The following TMPRSS11A variants were observed in gnomAD, a reference collection of about 807,000 sequenced individuals.
TMPRSS11A encodes transmembrane protease serine 11A.
Under a neutral mutation model 58.9 loss-of-function variants are expected in TMPRSS11A, and 53 were observed. The observed-to-expected ratio is 0.90, with a 90% CI of 0.72 to 1.13. The LOEUF is 1.13. Among genes scored for constraint, TMPRSS11A ranks in the 50% most tolerant of loss-of-function variants. TMPRSS11A has a pLI of 0.00. For missense variants in TMPRSS11A, 493 were observed against 499.3 expected, an observed-to-expected ratio of 0.99 and a Z score of 0.12; for synonymous variants, 167 against 169.8, an observed-to-expected ratio of 0.98 and a Z score of 0.13.
intron 3 of TMPRSS11A, 66 bp from the exon 4 acceptor site, chr4:67,932,126 T>C: frequency 1.1e-6 from 1 of 924,734 alleles, no homozygotes; most frequent in Non-Finnish European, 1.6e-6. Context: ...ATATCCTTGA[T>C]TAAATGTTAA....
chr4:67,925,452 T>C (rs1269630938), intron 5 of TMPRSS11A, among the ~76,000 whole-genome samples: 2 of 152,218 alleles, frequency 1.3e-5, no homozygotes, highest in African/African-American at 4.8e-5. Flanking sequence ...CAGTATTCTA[T>C]TCCTCATTAT....
At chr4:67,956,353 A>T (rs1025121296) in intron 1 of TMPRSS11A, among the ~76,000 whole-genome samples, 2 of 152,164 alleles carry the variant, frequency 1.3e-5, no homozygotes, top group African/African-American at 4.8e-5. Flanking sequence ...CTGTTTGTAA[A>T]CAGATCACCT....
At position 67,944,435 on chromosome 4, in the gene TMPRSS11A, C is replaced by T. The variant is rs867045416; in HGVS notation, c.252+84G>A. 8 of 1,475,198 alleles carry T rather than the reference C, an allele frequency of 5.4e-6. No individual in the cohort carries two copies. In the Middle Eastern group the frequency reaches 5.3e-4, roughly 98 times the overall value. 91.4% of individuals were successfully genotyped at this position (1,475,198 alleles called of 1,614,324 possible). The stretch of plus-strand genomic sequence containing the variant: ...ATTCTAATGTTGGCGGTCTGAAAAT[C>T]ATGTTTTTAGAAATGGAGAAATGAT... On this transcript the variant is annotated intron_variant, in intron 3 of 9. Coordinates refer to ENST00000508048, the MANE Select transcript of TMPRSS11A (RefSeq NM_001114387.2).
chr4:67,959,860 A>G (rs979879747), intron 1 of TMPRSS11A, among the ~76,000 whole-genome samples: 3 of 152,254 alleles, frequency 2.0e-5, no homozygotes, highest in African/African-American at 7.2e-5. Flanking sequence ...CCAAAAAGAT[A>G]CATGCACTCA....
chr4:67,956,301 A>G (rs1398997354), intron 1 of TMPRSS11A, among the ~76,000 whole-genome samples: 1 of 152,192 alleles, frequency 6.6e-6, no homozygotes, highest in Non-Finnish European at 1.5e-5. Context: ...CAGAGCTAAG[A>G]TAAGGGAAGG....
intron 8 of TMPRSS11A, among the ~76,000 whole-genome samples, chr4:67,918,088 T>C (rs955996361): frequency 6.6e-6 from 1 of 152,208 alleles, no homozygotes; most frequent in Admixed American, 6.5e-5. Flanking sequence ...AGACTGAGAA[T>C]CAAAAGCTTA....
chr4:67,912,888 A>G (rs941361350), intron 9 of TMPRSS11A, among the ~76,000 whole-genome samples: 1 of 151,886 alleles, frequency 6.6e-6, no homozygotes, highest in African/African-American at 2.4e-5. Context: ...TTTATATTGT[A>G]CACTCGCGTT....
In TMPRSS11A at chr4:67,909,908, A is replaced by G. The variant is rs1577846644; in HGVS notation, c.*1434T>C. 6.6e-6 allele frequency: 1 copy of G among 152,088 alleles called. No individual in the cohort carries two copies. Among genetic ancestry groups the G allele is most frequent in the Non-Finnish European group, 1.5e-5 (1 of 67,950 alleles). The allele number at this position is 152,088 out of a possible 1,614,324, so 9.4% of individuals were successfully genotyped here. On this transcript the variant is annotated 3_prime_UTR_variant, in exon 10 of 10. Coordinates refer to ENST00000508048, the MANE Select transcript of TMPRSS11A (RefSeq NM_001114387.2). ...ATCAAGTGTTTTATGAGTGAACTGC[A>G]TATCTCTTTTAGATATTTTAGGATT...
chr4:67,934,490 C>A (rs970692817), intron 3 of TMPRSS11A, among the ~76,000 whole-genome samples: 1 of 152,138 alleles, frequency 6.6e-6, no homozygotes, highest in African/African-American at 2.4e-5. Context: ...TGTTATAAAT[C>A]TATTGTTATC....
intron 9 of TMPRSS11A, among the ~76,000 whole-genome samples, chr4:67,914,327 G>A (rs372016905): frequency 1.3e-5 from 2 of 152,120 alleles, no homozygotes; most frequent in African/African-American, 4.8e-5. Context: ...TGAGCCGCTT[G>A]AGAAAATAAA....
intron 1 of TMPRSS11A, among the ~76,000 whole-genome samples, chr4:67,959,135 CA>C (rs1436201093): frequency 1.3e-5 from 2 of 152,126 alleles, no homozygotes; most frequent in East Asian, 3.9e-4. Flanking sequence ...GAAAACAAAT[CA>C]AGAAGAGGAT....
intron 3 of TMPRSS11A, among the ~76,000 whole-genome samples, chr4:67,936,569 C>T (rs1720760641): frequency 6.6e-6 from 1 of 151,972 alleles, no homozygotes; most frequent in Non-Finnish European, 1.5e-5. Context: ...TTTCTGATCA[C>T]CCTAAACAAA....
At chr4:67,952,118 T>C (rs1300475318) in intron 1 of TMPRSS11A, among the ~76,000 whole-genome samples, 3 of 152,338 alleles carry the variant, frequency 2.0e-5, no homozygotes, top group African/African-American at 7.2e-5. Flanking sequence ...GCTGACTTTG[T>C]AGGGATTGTT....
chr4:67,930,805 C>G (rs544678862), intron 4 of TMPRSS11A, among the ~76,000 whole-genome samples: 1,618 of 67,198 alleles, frequency 0.024, 24 homozygotes, highest in South Asian at 0.051. Context: ...TCTGTTATCT[C>G]TCCTTTTTTT....
intron 1 of TMPRSS11A, among the ~76,000 whole-genome samples, chr4:67,950,753 A>T (rs1721135746): frequency 6.6e-6 from 1 of 152,266 alleles, no homozygotes; most frequent in Non-Finnish European, 1.5e-5. Context: ...ATTCGATGAG[A>T]AGGGAATTTT....
At chr4:67,960,203 T>G (rs1721391042) in intron 1 of TMPRSS11A, among the ~76,000 whole-genome samples, 3 of 152,312 alleles carry the variant, frequency 2.0e-5, no homozygotes, top group Middle Eastern at 3.4e-3. Context: ...AAAATCTACC[T>G]ATTGGGTGCT....
intron 7 of TMPRSS11A, 48 bp from the exon 8 acceptor site, chr4:67,919,280 A>G: frequency 6.4e-7 from 1 of 1,553,470 alleles, no homozygotes; most frequent in South Asian, 1.2e-5. Context: ...TGCCCAAAGT[A>G]TATGAGCTAG....
At chr4:67,951,461 A>G (rs1247540012) in intron 1 of TMPRSS11A, among the ~76,000 whole-genome samples, 1 of 152,190 alleles carries the variant, frequency 6.6e-6, no homozygotes, top group Non-Finnish European at 1.5e-5. Flanking sequence ...TAAACCCTTT[A>G]CTTCCCAAGG....
intron 9 of TMPRSS11A, among the ~76,000 whole-genome samples, chr4:67,914,302 T>G (rs1247821682): frequency 6.6e-6 from 1 of 152,236 alleles, no homozygotes; most frequent in Non-Finnish European, 1.5e-5. Flanking sequence ...TTATGATTAT[T>G]TTCTTTCTTG....
Sources: gnomAD v4.1 joint callset for allele counts (sites outside exome capture counted in the v4.1 genomes callset) on GRCh38, gnomAD v4.1.1 for gene constraint, MANE v1.5 for transcripts, NCBI Gene and HGNC (gene_info 2026-07-23, HGNC 2026-07-21) for gene names.